Variants in MCCD1 observed in about 807,000 individuals in gnomAD.
MCCD1 encodes the protein mitochondrial coiled-coil domain 1.
Under a neutral mutation model 5.6 loss-of-function variants are expected in MCCD1, and 5 were observed. That is an observed-to-expected ratio of 0.89 (90% confidence interval 0.46 to 1.87). MCCD1 has a LOEUF of 1.87. Ranked by LOEUF, MCCD1 falls within the 40% of genes most tolerant of loss-of-function variation. The probability of loss-of-function intolerance (pLI) is 0.01; values close to 1 mark genes in which losing one functional copy is unlikely to be tolerated. For missense variants in MCCD1, 178 were observed against 141.8 expected (o/e 1.26, Z -1.30); for synonymous variants, 70 against 57.3 (o/e 1.22, Z -1.00).
Position 31,529,767 on chromosome 6 carries a change from A to C in MCCD1, c.192A>C (p.Thr64=). The C allele has an allele frequency of 6.5e-7, 1 of 1,534,732 alleles. No individual in the cohort carries two copies. The highest frequency in any genetic ancestry group is 8.8e-7 in the Non-Finnish European group (1 of 1,135,898). ...SPPRGPGTHR[T]AELARAEELL... is the part of the protein sequence containing the mutation. ...ACCAGGGCCCTGGGACCCACCGCAC[A>C]GCTGAGCTGGCCCGAGCTGAAGAGT... Residue 64 remains threonine, a synonymous_variant, in exon 2 of 2, where the codon ACA becomes ACC. Coordinates refer to ENST00000376191, the MANE Select transcript of MCCD1 (RefSeq NM_001011700.3).
rs146742941 is a variant in MCCD1 at position 31,529,057 on chromosome 6, C to A, written c.43C>A (p.Arg15Ser). Residue 15 changes from arginine (R) to serine (S), a missense_variant, in exon 1 of 2, where the codon CGC becomes AGC. Arg to Ser is a moderately radical substitution (Grantham distance 110, BLOSUM62 -1). Coordinates refer to ENST00000376191, the MANE Select transcript of MCCD1 (RefSeq NM_001011700.3). The stretch of plus-strand genomic sequence containing the variant: ...CTGGCTCTCTCGGTACCATTTCCTT[C>A]GCCTCCTTCTGCCCTCCTGGTCCTT... ...LPWLSRYHFL[R>S]LLLPSWSLAP... 8.1e-6 allele frequency: 13 copies of A among 1,612,664 alleles called. No homozygotes were observed. Among genetic ancestry groups the A allele is most frequent in the Non-Finnish European group, 1.1e-5 (13 of 1,179,884 alleles).
Position 31,530,146 on chromosome 6 carries a change from G to C in MCCD1, c.*211G>C. The C allele has an allele frequency of 9.8e-7, 1 of 1,025,348 alleles. No homozygotes were observed. Among genetic ancestry groups the C allele is most frequent in the Non-Finnish European group, 1.4e-6 (1 of 732,086 alleles). 63.5% of individuals were successfully genotyped at this position (1,025,348 alleles called of 1,614,324 possible). ...GATCTCACAGCAGGCAGGGCACCCA[G>C]GCCTTATAGGAATTCACCCTGGACC... On this transcript the variant is annotated 3_prime_UTR_variant, in exon 2 of 2. Coordinates refer to ENST00000376191, the MANE Select transcript of MCCD1 (RefSeq NM_001011700.3). This position sits in a 1 kb window ranked among gnomAD's most constrained non-coding sequence, Gnocchi z 4.5.
In MCCD1 at chr6:31,529,794, G is replaced by A; in HGVS notation, c.219G>A (p.Leu73=). The A allele has an allele frequency of 6.3e-7, 1 of 1,579,216 alleles. No homozygotes were observed. Among genetic ancestry groups the A allele is most frequent in the Middle Eastern group, 2.2e-4 (1 of 4,488 alleles). The change falls in exon 2 of 2, where the codon TTG becomes TTA. Residue 73 remains leucine (L), a synonymous_variant. Coordinates refer to ENST00000376191, the MANE Select transcript of MCCD1 (RefSeq NM_001011700.3). ...CTGAGCTGGCCCGAGCTGAAGAGTT[G>A]TTGGAGCAGCAGCTGGAGCTGTACC... The part of the protein sequence containing the change: ...RTAELARAEE[L]LEQQLELYQA...
chr6:31,530,009 A>G lies in MCCD1; in HGVS notation c.*74A>G. On this transcript the variant is annotated 3_prime_UTR_variant, in exon 2 of 2. Coordinates refer to ENST00000376191, the MANE Select transcript of MCCD1 (RefSeq NM_001011700.3). The surrounding 1 kb of genome is among the most constrained non-coding windows in gnomAD (Gnocchi z 4.5). ...CACCCACCAGGAGCCTTGGGATCAT[A>G]AACACCCCAGCGTCTTCCCAGGCCA... 3 of 1,430,636 alleles carry G rather than the reference A, an allele frequency of 2.1e-6. No homozygotes were observed. Among genetic ancestry groups the G allele is most frequent in the South Asian group, 1.5e-5 (1 of 65,730 alleles). 88.6% of individuals were successfully genotyped at this position (1,430,636 alleles called of 1,614,324 possible).
rs1562400066 is a variant in MCCD1 at position 31,529,994 on chromosome 6, G to A, written c.*59G>A. On this transcript the variant is annotated 3_prime_UTR_variant, in exon 2 of 2. Coordinates refer to ENST00000376191, the MANE Select transcript of MCCD1 (RefSeq NM_001011700.3). ...TGAAAATACACGCACCACCCACCAG[G>A]AGCCTTGGGATCATAAACACCCCAG... The A allele has an allele frequency of 2.3e-5, 33 of 1,431,910 alleles. No homozygotes were observed. Among genetic ancestry groups the A allele is most frequent in the Non-Finnish European group, 2.8e-5 (30 of 1,087,404 alleles). The allele number at this position is 1,431,910 out of a possible 1,614,324, so 88.7% of individuals were successfully genotyped here. A position where few individuals can be genotyped will look rare whatever the true frequency, so the allele number is the denominator to read the frequency against.
At chr6:31,529,228 C>T (rs1766850684) in intron 1 of MCCD1, 43 bp downstream of exon 1, 1 of 1,586,512 alleles carries the variant, frequency 6.3e-7, no homozygotes, top group African/African-American at 1.3e-5. Context: ...TGAGAATTTA[C>T]ACTGGGGTGT....
In MCCD1 at chr6:31,529,891, G is replaced by A. The variant is rs775082069; in HGVS notation, c.316G>A (p.Glu106Lys). 3.8e-6 allele frequency: 6 copies of A among 1,561,102 alleles called. No homozygotes were observed. The African/African-American group carries it at 4.1e-5, about 11-fold the overall frequency. ...GGTGCTCAAGATCCAGAAGCTGAAG[G>A]AACAGATGAGGAGGCACCAAGAGAG... ...ALVLKIQKLKEQMRRHQESLG... is the reference protein window; with the variant it reads ...ALVLKIQKLKKQMRRHQESLG... Residue 106 changes from glutamate to lysine, a missense_variant, in exon 2 of 2, where the codon GAA (glutamate) becomes AAA (lysine). Transcript: ENST00000376191.
Position 31,530,052 on chromosome 6 carries a change from C to G in MCCD1, c.*117C>G. On this transcript the variant is annotated 3_prime_UTR_variant, in exon 2 of 2. Coordinates refer to ENST00000376191, the MANE Select transcript of MCCD1 (RefSeq NM_001011700.3). This position sits in a 1 kb window ranked among gnomAD's most constrained non-coding sequence, Gnocchi z 4.5. ...CCAGGCCAGAGAAAGTGGAAGAGAC[C>G]ACAAAGCGCAGGCAATTGGCAGGCA... is the stretch of plus-strand genomic sequence containing the variant. 1.9e-5 allele frequency: 27 copies of G among 1,423,444 alleles called. No homozygotes were observed. The highest frequency in any genetic ancestry group is 2.5e-5 in the Non-Finnish European group (27 of 1,085,066). 88.2% of individuals were successfully genotyped at this position (1,423,444 alleles called of 1,614,324 possible).
rs1440948469 is a variant in MCCD1 at position 31,529,167 on chromosome 6, G to A, written c.153G>A (p.Lys51=). The change falls in exon 1 of 2, where the codon AAG becomes AAA. Residue 51 remains lysine (K), a synonymous_variant. Transcript: ENST00000376191. The part of the protein sequence containing the change: ...EEQTSSRGNG[K]MTSPPRGPGT... Reference sequence around the variant, plus strand: ...AGACCAGCTCCAGAGGAAATGGGAAGATGACGTCCCCTCCCAGGGTAAGTG... The same window carrying A: ...AGACCAGCTCCAGAGGAAATGGGAAAATGACGTCCCCTCCCAGGGTAAGTG... The A allele has an allele frequency of 3.7e-6, 6 of 1,612,380 alleles. No homozygotes were observed. Among genetic ancestry groups the A allele is most frequent in the Admixed American group, 1.7e-5 (1 of 59,962 alleles).
At chr6:31,529,644 G>A (rs1016549651) in intron 1 of MCCD1, 103 bp from the exon 2 acceptor site, 10 of 1,300,484 alleles carry the variant, frequency 7.7e-6, no homozygotes, top group Non-Finnish European at 1.0e-5. Flanking sequence ...AAACGAATAG[G>A]GAAGGTGGAA....
chr6:31,529,808 T>C lies in MCCD1; in HGVS notation c.233T>C (p.Leu78Pro). ...GCTGAAGAGTTGTTGGAGCAGCAGC[T>C]GGAGCTGTACCAGGCCCTCCTTGAA... ...ARAEELLEQQ[L>P]ELYQALLEGQ... The change falls in exon 2 of 2, where the codon CTG (leucine) becomes CCG (proline). Residue 78 changes from leucine to proline, a missense_variant. Coordinates refer to ENST00000376191, the MANE Select transcript of MCCD1 (RefSeq NM_001011700.3). 1 of 1,591,242 alleles carries C rather than the reference T, an allele frequency of 6.3e-7. No homozygotes were observed. Among genetic ancestry groups the C allele is most frequent in the Non-Finnish European group, 8.6e-7 (1 of 1,168,072 alleles).
Position 31,529,792 on chromosome 6 carries a change from T to C in MCCD1, c.217T>C (p.Leu73=), listed in dbSNP as rs751906307. The change falls in exon 2 of 2, where the codon TTG becomes CTG. Residue 73 remains leucine, a synonymous_variant. Coordinates refer to ENST00000376191, the MANE Select transcript of MCCD1 (RefSeq NM_001011700.3). The part of the protein sequence containing the change: ...RTAELARAEE[L]LEQQLELYQA... The stretch of plus-strand genomic sequence containing the variant: ...AGCTGAGCTGGCCCGAGCTGAAGAG[T>C]TGTTGGAGCAGCAGCTGGAGCTGTA... 1.9e-6 allele frequency: 3 copies of C among 1,571,654 alleles called. No homozygotes were observed. Among genetic ancestry groups the C allele is most frequent in the African/African-American group, 2.7e-5 (2 of 73,344 alleles).
In MCCD1 at chr6:31,529,147, A is replaced by G; in HGVS notation, c.133A>G (p.Ser45Gly). 6.2e-7 allele frequency: 1 copy of G among 1,612,696 alleles called. No homozygotes were observed. ...NPKASMEEQT[S>G]SRGNGKMTSP... ...CAAAGCAAGCATGGAAGAGCAGACC[A>G]GCTCCAGAGGAAATGGGAAGATGAC... is the stretch of plus-strand genomic sequence containing the variant. Residue 45 changes from serine (S) to glycine (G), a missense_variant, in exon 1 of 2, where the codon AGC (serine) becomes GGC (glycine). Ser to Gly is a moderately conservative substitution (Grantham distance 56, BLOSUM62 0). Coordinates refer to ENST00000376191, the MANE Select transcript of MCCD1 (RefSeq NM_001011700.3).
chr6:31,529,283 TG>T, intron 1 of MCCD1, 98 bp downstream of exon 1: 10 of 1,231,478 alleles, frequency 8.1e-6, no homozygotes, highest in South Asian at 4.4e-5. Flanking sequence ...CCCCACACCA[TG>T]CCTACCCCTG....
Position 31,530,036 on chromosome 6 carries a change from AG to A in MCCD1, c.*102del, listed in dbSNP as rs1160176384. ...ACACCCCAGCGTCTTCCCAGGCCAGAGAAAGTGGAAGAGACCACAAAGCGCA... is the reference window on the plus strand; with the variant it reads ...ACACCCCAGCGTCTTCCCAGGCCAGAAAAGTGGAAGAGACCACAAAGCGCA... On this transcript the variant is annotated 3_prime_UTR_variant, in exon 2 of 2. Transcript: ENST00000376191. The surrounding 1 kb of genome is among the most constrained non-coding windows in gnomAD (Gnocchi z 4.5). 1 of 1,425,652 alleles carries A rather than the reference AG, an allele frequency of 7.0e-7. No homozygotes were observed. Among genetic ancestry groups the A allele is most frequent in the Non-Finnish European group, 9.2e-7 (1 of 1,086,576 alleles). 88.3% of individuals were successfully genotyped at this position (1,425,652 alleles called of 1,614,324 possible).
rs9394074 is a variant in MCCD1, at chr6:31,529,001, C to G, written c.-14C>G. 1,506 of 1,609,496 alleles carry G rather than the reference C, an allele frequency of 9.4e-4. 72 individuals carry two copies. In the East Asian group the frequency reaches 0.031, roughly 33 times the overall value. Reference sequence around the variant, plus strand: ...GTTGGACAGCTCACACAGCTCCCTGCCAGGTCACCCGCCATGGTCCTCCCT... The same window carrying G: ...GTTGGACAGCTCACACAGCTCCCTGGCAGGTCACCCGCCATGGTCCTCCCT... On this transcript the variant is annotated 5_prime_UTR_variant, in exon 1 of 2. Coordinates refer to ENST00000376191, the MANE Select transcript of MCCD1 (RefSeq NM_001011700.3).
At chr6:31,529,631 C>A in intron 1 of MCCD1, 116 bp from the exon 2 acceptor site, 2 of 1,269,556 alleles carry the variant, frequency 1.6e-6, no homozygotes, top group South Asian at 4.4e-5. Context: ...ACGACCGGTT[C>A]AAAAACGAAT....
chr6:31,529,251 C>T, intron 1 of MCCD1, 66 bp downstream of exon 1: 4 of 1,485,432 alleles, frequency 2.7e-6, no homozygotes, highest in Non-Finnish European at 3.7e-6. Context: ...GAAAAAAAAA[C>T]CCTCAATCCC....
intron 1 of MCCD1, among the ~76,000 whole-genome samples, chr6:31,529,463 G>T (rs1402482067): frequency 6.6e-6 from 1 of 151,142 alleles, no homozygotes; most frequent in Non-Finnish European, 1.5e-5. Context: ...TAGCGGGGAG[G>T]AGCAGCTGAT....
Sources: allele counts gnomAD v4.1 joint callset (sites outside exome capture counted in the v4.1 genomes callset), GRCh38; gene constraint gnomAD v4.1.1; non-coding constraint Gnocchi (gnomAD v3.1); transcripts MANE v1.5; gene names NCBI Gene and HGNC (gene_info 2026-07-23, HGNC 2026-07-21).